ADGRA3: variants seen among roughly 807,000 people sequenced by gnomAD.
ADGRA3 encodes the protein adhesion G protein-coupled receptor A3.
In ADGRA3, 56 loss-of-function variants were observed where a neutral mutation model predicts 119.8. The observed-to-expected ratio is 0.47, with a 90% CI of 0.38 to 0.58. The LOEUF is 0.58. ADGRA3 is among the 20% of genes least tolerant of loss of function. The probability of loss-of-function intolerance (pLI) is 0.00; values close to 1 mark genes in which losing one functional copy is unlikely to be tolerated. For missense variants in ADGRA3, 1,516 were observed against 1,649.0 expected (o/e 0.92, Z 1.40); for synonymous variants, 607 against 623.8 (o/e 0.97, Z 0.40).
At chr4:22,420,323 T>C (rs1280086778) in intron 12 of ADGRA3, 1 of 153,294 alleles carries the variant, frequency 6.5e-6, no homozygotes, top group Non-Finnish European at 1.5e-5. Flanking sequence ...AAAGCACCAA[T>C]TTTAAAAATC....
rs147843055 is a variant in ADGRA3 at position 22,438,292 on chromosome 4, G to A, written c.1049C>T (p.Pro350Leu). Residue 350 changes from proline (P) to leucine (L), a missense_variant, in exon 8 of 19, where the codon CCT (proline) becomes CTT (leucine). Pro to Leu is a moderately conservative substitution (Grantham distance 98). Transcript: ENST00000334304. ...TTTGTTGTTTACCACCCTCTCTGGA[G>A]GACAGTACTGTGCAGAACTCTCTAA... ...VVLESSAQYCPPERVVNNKGD... is the reference protein window; with the variant it reads ...VVLESSAQYCLPERVVNNKGD... 4.8e-4 allele frequency: 773 copies of A among 1,611,634 alleles called. 3 individuals are homozygous for A. Among genetic ancestry groups the A allele is most frequent in the Middle Eastern group, 3.9e-3 (19 of 4,892 alleles).
intron 1 of ADGRA3, among the ~76,000 whole-genome samples, chr4:22,510,307 T>C (rs1012577902): frequency 6.6e-6 from 1 of 152,178 alleles, no homozygotes; most frequent in Non-Finnish European, 1.5e-5. Context: ...ACCAGACTCC[T>C]GGCCATCAAA....
At chr4:22,427,423 A>G (rs909507803) in intron 10 of ADGRA3, among the ~76,000 whole-genome samples, 8 of 152,132 alleles carry the variant, frequency 5.3e-5, no homozygotes, top group African/African-American at 1.9e-4. Context: ...GCCCTGCTAG[A>G]TAATGCCAGT....
Position 22,447,298 on chromosome 4 carries a change from A to G in ADGRA3, c.545+142T>C, listed in dbSNP as rs1051838388. On this transcript the variant is annotated intron_variant, in intron 5 of 18. Coordinates refer to ENST00000334304, the MANE Select transcript of ADGRA3 (RefSeq NM_145290.4). ...ATTCAGGGTTACTGTATGTTTTTCA[A>G]TGTGAATGCAAGCTCTCAAGTGAGA... 8 of 581,048 alleles carry G rather than the reference A, an allele frequency of 1.4e-5. No individual in the cohort carries two copies. In the Admixed American group the frequency reaches 2.5e-4, roughly 18 times the overall value. 36.0% of individuals were successfully genotyped at this position (581,048 alleles called of 1,614,324 possible).
chr4:22,424,797 C>T (rs568646175), intron 10 of ADGRA3, among the ~76,000 whole-genome samples: 240 of 152,288 alleles, frequency 1.6e-3, no homozygotes, highest in Middle Eastern at 6.8e-3. Context: ...GCCAGCAGGG[C>T]GTGGTGGCTC....
At chr4:22,403,368 G>C (rs1299546135) in intron 14 of ADGRA3, among the ~76,000 whole-genome samples, 1 of 152,016 alleles carries the variant, frequency 6.6e-6, no homozygotes, top group Non-Finnish European at 1.5e-5. Flanking sequence ...TGTACAATCA[G>C]ATCATAACAA....
chr4:22,442,551 T>C, intron 7 of ADGRA3, 99 bp downstream of exon 7: 1 of 743,252 alleles, frequency 1.3e-6, no homozygotes, highest in Non-Finnish European at 2.1e-6. Context: ...TACAAGAAGA[T>C]GAAATATTAA....
Position 22,413,623 on chromosome 4 carries a change from G to A in ADGRA3, c.2001C>T (p.Thr667=). 6.2e-7 allele frequency: 1 copy of A among 1,613,888 alleles called. No individual in the cohort carries two copies. Among genetic ancestry groups the A allele is most frequent in the Non-Finnish European group, 8.5e-7 (1 of 1,179,866 alleles). Residue 667 remains threonine, a synonymous_variant, in exon 13 of 19, where the codon ACC becomes ACT. Transcript: ENST00000334304. ...ADDGKRRTVV[T]PVILTKIDGV... ...AACCTATTTTGGTGAGAATCACAGGGGTAACCACAGTACGTCGTTTTCCAT... is the reference window on the plus strand; with the variant it reads ...AACCTATTTTGGTGAGAATCACAGGAGTAACCACAGTACGTCGTTTTCCAT...
intron 2 of ADGRA3, among the ~76,000 whole-genome samples, chr4:22,465,861 G>A: frequency 6.6e-6 from 1 of 152,282 alleles, no homozygotes; most frequent in Middle Eastern, 3.4e-3. Context: ...ATCAAGTTGA[G>A]TTGCTGGAGA....
chr4:22,485,740 G>T (rs1718414249), intron 1 of ADGRA3, among the ~76,000 whole-genome samples: 3 of 152,300 alleles, frequency 2.0e-5, no homozygotes, highest in Non-Finnish European at 4.4e-5. Context: ...AGACACAAAA[G>T]ATACCTGGCA....
chr4:22,473,861 A>C lies in ADGRA3; in HGVS notation c.258-18T>G. 3 of 1,524,354 alleles carry C rather than the reference A, an allele frequency of 2.0e-6. No individual in the cohort carries two copies. Among genetic ancestry groups the C allele is most frequent in the Non-Finnish European group, 2.7e-6 (3 of 1,104,440 alleles). 94.4% of individuals were successfully genotyped at this position (1,524,354 alleles called of 1,614,324 possible). A position where few individuals can be genotyped will look rare whatever the true frequency, so the allele number is the denominator to read the frequency against. Reference sequence around the variant, plus strand: ...TCAGAATCCTAAAAAATACCAAAAAAATAATAAGTTGCCTAATATACACTA... The same window carrying C: ...TCAGAATCCTAAAAAATACCAAAAACATAATAAGTTGCCTAATATACACTA... On this transcript the variant is annotated intron_variant, in intron 1 of 18. Transcript: ENST00000334304.
At chr4:22,443,265 C>G in intron 6 of ADGRA3, 1 of 488,942 alleles carries the variant, frequency 2.0e-6, no homozygotes, top group Non-Finnish European at 3.6e-6. Flanking sequence ...GGCTGTAAAA[C>G]TAATGCATGT....
At chr4:22,502,853 C>CCATGACAGATTCATCCTGT (rs1719097372) in intron 1 of ADGRA3, among the ~76,000 whole-genome samples, 1 of 138,044 alleles carries the variant, frequency 7.2e-6, no homozygotes, top group African/African-American at 2.7e-5. Context: ...ATTCATCCTG[C>CCATGACAGATTCATCCTGT]ATAAGACTAA....
intron 4 of ADGRA3, among the ~76,000 whole-genome samples, chr4:22,453,657 G>A (rs964632243): frequency 1.3e-5 from 2 of 152,084 alleles, no homozygotes; most frequent in South Asian, 2.1e-4. Flanking sequence ...CATTTCATGC[G>A]GAACCCTATT....
intron 10 of ADGRA3, among the ~76,000 whole-genome samples, chr4:22,432,800 G>C (rs1158671246): frequency 6.6e-6 from 1 of 152,150 alleles, no homozygotes; most frequent in Non-Finnish European, 1.5e-5. Context: ...AGACAACAAA[G>C]TGCCAGCTTG....
chr4:22,419,343 C>T (rs2109032321), intron 12 of ADGRA3, among the ~76,000 whole-genome samples: 1 of 152,036 alleles, frequency 6.6e-6, no homozygotes, highest in South Asian at 2.1e-4. Context: ...TAAAGCTTAA[C>T]CACATTTTAT....
chr4:22,426,850 G>A (rs1361919361), intron 10 of ADGRA3, among the ~76,000 whole-genome samples: 2 of 152,102 alleles, frequency 1.3e-5, no homozygotes, highest in African/African-American at 4.8e-5. Flanking sequence ...TGATTCATTG[G>A]AACATTAGCA....
At chr4:22,483,248 T>C (rs1473733300) in intron 1 of ADGRA3, among the ~76,000 whole-genome samples, 1 of 152,168 alleles carries the variant, frequency 6.6e-6, no homozygotes, top group Non-Finnish European at 1.5e-5. Flanking sequence ...CACTCTGGCA[T>C]GTGCTTCCCT....
At chr4:22,390,551 T>G (rs1270094516) in intron 17 of ADGRA3, among the ~76,000 whole-genome samples, 5 of 151,852 alleles carry the variant, frequency 3.3e-5, no homozygotes, top group Non-Finnish European at 5.9e-5. Context: ...ACCACCACTT[T>G]CTCGCCTTTA....
Sources: allele counts gnomAD v4.1 joint callset (sites outside exome capture counted in the v4.1 genomes callset), GRCh38; gene constraint gnomAD v4.1.1; transcripts MANE v1.5; gene names NCBI Gene and HGNC (gene_info 2026-07-23, HGNC 2026-07-21).